GRM5: variants seen among roughly 807,000 people sequenced by gnomAD.
The protein encoded by GRM5 is metabotropic glutamate receptor 5.
A neutral mutation model predicts 83.1 loss-of-function variants in GRM5; 19 were observed. The ratio of observed to expected loss-of-function variants is 0.23; its 90% CI spans 0.16 to 0.34. The LOEUF (loss-of-function observed/expected upper bound fraction) is 0.34. GRM5 is among the 10% of genes least tolerant of loss of function. GRM5 has a pLI of 1.00. For missense variants in GRM5, 1,160 were observed against 1,588.3 expected, an observed-to-expected ratio of 0.73 and a Z score of 4.58; for synonymous variants, 675 against 633.6, an observed-to-expected ratio of 1.07 and a Z score of -0.98.
At chr11:88,700,574 T>A (rs769335369) in intron 3 of GRM5, among the ~76,000 whole-genome samples, 1 of 98,408 alleles carries the variant, frequency 1.0e-5, no homozygotes, top group Non-Finnish European at 2.8e-5. Context: ...TTATTTTGAC[T>A]GAAATCAAAA....
chr11:88,816,029 A>C (rs1232000079), intron 3 of GRM5, among the ~76,000 whole-genome samples: 2 of 142,648 alleles, frequency 1.4e-5, no homozygotes, highest in South Asian at 4.5e-4. Flanking sequence ...CTGGCTAACA[A>C]GGTGAAACCC....
chr11:88,547,279 G>C (rs1292881034), intron 8 of GRM5, among the ~76,000 whole-genome samples: 1 of 152,150 alleles, frequency 6.6e-6, no homozygotes, highest in African/African-American at 2.4e-5. Flanking sequence ...AGGTATGAAA[G>C]TGGAGCTATC....
At chr11:88,944,839 A>G (rs1464180014) in intron 2 of GRM5, among the ~76,000 whole-genome samples, 1 of 151,966 alleles carries the variant, frequency 6.6e-6, no homozygotes, top group Non-Finnish European at 1.5e-5. Flanking sequence ...ATCATATTCA[A>G]TACAGAATGG....
intron 2 of GRM5, among the ~76,000 whole-genome samples, chr11:89,005,320 A>G (rs1037956029): frequency 1.3e-5 from 2 of 152,230 alleles, no homozygotes; most frequent in African/African-American, 4.8e-5. Flanking sequence ...TACATTTCAT[A>G]TCGGGAAGGA....
At chr11:88,638,139 A>C (rs2135281841) in intron 4 of GRM5, among the ~76,000 whole-genome samples, 1 of 120,512 alleles carries the variant, frequency 8.3e-6, no homozygotes, top group East Asian at 2.5e-4. Context: ...GGAACATCAC[A>C]CTCTGGGGAC....
At chr11:88,925,856 C>G (rs1945779475) in intron 2 of GRM5, 1 of 407,854 alleles carries the variant, frequency 2.5e-6, no homozygotes, top group African/African-American at 2.1e-5. Context: ...TTACAGTGAG[C>G]CGAGATTGTG....
At chr11:88,593,201 A>G (rs888180341) in intron 6 of GRM5, among the ~76,000 whole-genome samples, 1 of 152,208 alleles carries the variant, frequency 6.6e-6, no homozygotes, top group Non-Finnish European at 1.5e-5. Flanking sequence ...AACTAAGTTT[A>G]CAAACTCTGG....
In GRM5 at chr11:88,950,801, A is replaced by G. The variant is rs537446345; in HGVS notation, c.661+96411T>C. Among the ~76,000 whole-genome samples the G allele has an allele frequency of 2.6e-5, 4 of 152,346 alleles. No homozygotes were observed. In the East Asian group the frequency reaches 5.8e-4, roughly 22 times the overall value. On this transcript the variant is annotated intron_variant, in intron 2 of 9. Transcript: ENST00000305447. Reference sequence around the variant, plus strand: ...TTGTAGCAAAACCAGTTTTATTGTTATCATTGAAAAGAATTTTTGCCTCAC... The same window carrying G: ...TTGTAGCAAAACCAGTTTTATTGTTGTCATTGAAAAGAATTTTTGCCTCAC...
intron 8 of GRM5, among the ~76,000 whole-genome samples, chr11:88,563,500 T>A (rs1016225812): frequency 2.0e-5 from 3 of 152,082 alleles, no homozygotes; most frequent in African/African-American, 7.2e-5. Context: ...CACGACCCCA[T>A]CCAGAAACAG....
intron 4 of GRM5, among the ~76,000 whole-genome samples, chr11:88,620,282 A>C (rs1938598175): frequency 1.3e-5 from 2 of 152,184 alleles, no homozygotes. Flanking sequence ...TAGGCAATCC[A>C]TTTCTTCATT....
intron 3 of GRM5, among the ~76,000 whole-genome samples, chr11:88,688,780 T>C (rs1015474835): frequency 3.9e-5 from 6 of 152,040 alleles, no homozygotes; most frequent in Non-Finnish European, 5.9e-5. Flanking sequence ...CATAGTTGCA[T>C]AGTAGGGAAA....
chr11:89,038,151 TTGTGTGTG>T lies in GRM5; in HGVS notation c.661+9053_661+9060del, dbSNP rs35505173. Among the ~76,000 whole-genome samples, 280 of 144,692 alleles carry T rather than the reference TTGTGTGTG, an allele frequency of 1.9e-3. 3 individuals carry two copies. The highest frequency in any genetic ancestry group is 0.017 in the Middle Eastern group (5 of 286). The allele number at this position is 144,692 out of a possible 152,430, so 94.9% of individuals were successfully genotyped here. On this transcript the variant is annotated intron_variant, in intron 2 of 9. Coordinates refer to ENST00000305447, the MANE Select transcript of GRM5 (RefSeq NM_001143831.3). The stretch of plus-strand genomic sequence containing the variant: ...GATAATCTCTTTCTTTAGAATCTCA[TTGTGTGTG>T]TGTGTGTGTGTGTGTGTGTGAAAAT...
At chr11:88,677,105 AT>A (rs1182701051) in intron 3 of GRM5, among the ~76,000 whole-genome samples, 1 of 151,974 alleles carries the variant, frequency 6.6e-6, no homozygotes, top group East Asian at 1.9e-4. Flanking sequence ...TCATATTTGT[AT>A]TTATGTTAAT....
At chr11:88,735,231 G>T (rs906350280) in intron 3 of GRM5, among the ~76,000 whole-genome samples, 1 of 151,910 alleles carries the variant, frequency 6.6e-6, no homozygotes, top group Non-Finnish European at 1.5e-5. Flanking sequence ...TTTGCCCAAA[G>T]ATAGCTGTTA....
At chr11:88,592,443 T>G (rs779343430) in intron 6 of GRM5, among the ~76,000 whole-genome samples, 1 of 152,226 alleles carries the variant, frequency 6.6e-6, no homozygotes, top group Non-Finnish European at 1.5e-5. Flanking sequence ...ATTATTAGAT[T>G]TTGTAATGCA....
chr11:89,056,855 C>T (rs567082169), intron 1 of GRM5, among the ~76,000 whole-genome samples: 1 of 152,126 alleles, frequency 6.6e-6, no homozygotes, highest in Admixed American at 6.5e-5. Flanking sequence ...TTTGTGGGTC[C>T]TTAGCAGAGT....
At chr11:88,636,682 T>A (rs1305769621) in intron 4 of GRM5, among the ~76,000 whole-genome samples, 3 of 152,170 alleles carry the variant, frequency 2.0e-5, no homozygotes, top group Non-Finnish European at 2.9e-5. Flanking sequence ...TAAACACCAC[T>A]TGGTAATAAT....
At chr11:88,600,159 C>A (rs1223891947) in intron 5 of GRM5, among the ~76,000 whole-genome samples, 1 of 151,910 alleles carries the variant, frequency 6.6e-6, no homozygotes, top group Non-Finnish European at 1.5e-5. Flanking sequence ...AATCTCCAGC[C>A]CAGTTTCTTT....
Position 88,940,111 on chromosome 11 carries a change from A to C in GRM5, c.662-89956T>G, listed in dbSNP as rs555075468. On this transcript the variant is annotated intron_variant, in intron 2 of 9. Transcript: ENST00000305447. ...TTTAAACGTCAGGGTTCTTAACACA[A>C]AATTAAATACGCCTGCCCAAATGAA... Among the ~76,000 whole-genome samples, 7 of 152,044 alleles carry C rather than the reference A, an allele frequency of 4.6e-5. No homozygotes were observed. The South Asian group carries it at 1.4e-3, about 31-fold the overall frequency.
Sources: gnomAD v4.1 joint callset for allele counts (sites outside exome capture counted in the v4.1 genomes callset) on GRCh38, gnomAD v4.1.1 for gene constraint, MANE v1.5 for transcripts, NCBI Gene and HGNC (gene_info 2026-07-23, HGNC 2026-07-21) for gene names.